Variants in PLXDC1 observed in about 807,000 individuals in gnomAD.
PLXDC1 encodes plexin domain-containing protein 1.
PLXDC1 carries 39 observed loss-of-function variants against 61.3 expected under a neutral mutation model. The ratio of observed to expected loss-of-function variants is 0.64; its 90% confidence interval spans 0.49 to 0.83. The LOEUF is 0.83. Among genes scored for constraint, PLXDC1 ranks in the 40% least tolerant of loss-of-function variants. PLXDC1 has a pLI of 0.00. For missense variants in PLXDC1, 596 were observed against 666.5 expected, an observed-to-expected ratio of 0.89 and a Z score of 1.17; for synonymous variants, 212 against 254.5, an observed-to-expected ratio of 0.83 and a Z score of 1.59.
At chr17:39,094,945 T>C (rs1194421661) in intron 7 of PLXDC1, among the ~76,000 whole-genome samples, 2 of 151,850 alleles carry the variant, frequency 1.3e-5, no homozygotes, top group African/African-American at 2.4e-5. Flanking sequence ...CTTTCCCTCA[T>C]CAGAAGGAAG....
intron 7 of PLXDC1, among the ~76,000 whole-genome samples, chr17:39,098,523 G>A (rs1354507346): frequency 6.6e-6 from 1 of 152,222 alleles, no homozygotes; most frequent in Non-Finnish European, 1.5e-5. Context: ...GGGGGCCATA[G>A]AGAGCCCCCA....
rs758574403 is a variant in PLXDC1 at position 39,063,443 on chromosome 17, G to A, written c.*4397C>T. The A allele has an allele frequency of 2.8e-6, 2 of 702,774 alleles. No homozygotes were observed. Among genetic ancestry groups the A allele is most frequent in the African/African-American group, 3.5e-5 (2 of 57,252 alleles). The allele number at this position is 702,774 out of a possible 1,614,324, so 43.5% of individuals were successfully genotyped here. On this transcript the variant is annotated 3_prime_UTR_variant, in exon 14 of 14. Coordinates refer to ENST00000315392, the MANE Select transcript of PLXDC1 (RefSeq NM_020405.5). ...TTAGGCTGTTTCTCTTGGAGGTGGT[G>A]CAGGAGGTTGAGGAAAGCACCTCTG...
At chr17:39,087,796 A>C (rs1343754973) in intron 7 of PLXDC1, 94 bp from the exon 8 acceptor site, 6 of 845,722 alleles carry the variant, frequency 7.1e-6, no homozygotes, top group African/African-American at 3.3e-5. Context: ...AGCCTGCTGC[A>C]CTGAAGGCAG....
chr17:39,109,803 G>A (rs1030184852), intron 2 of PLXDC1, among the ~76,000 whole-genome samples: 2 of 152,188 alleles, frequency 1.3e-5, no homozygotes, highest in African/African-American at 4.8e-5. Flanking sequence ...CCAGGCCGAG[G>A]GAGAGTCATA....
intron 7 of PLXDC1, among the ~76,000 whole-genome samples, chr17:39,103,397 G>T (rs1169458704): frequency 6.6e-6 from 1 of 152,050 alleles, no homozygotes; most frequent in Non-Finnish European, 1.5e-5. Context: ...TTAAAAATTA[G>T]TTGGGCATGG....
intron 3 of PLXDC1, 74 bp downstream of exon 3, chr17:39,109,174 C>T: frequency 1.3e-6 from 2 of 1,533,984 alleles, no homozygotes; most frequent in Admixed American, 4.0e-5. Context: ...CAGCCATGCC[C>T]ACTGACCAGG....
At chr17:39,118,819 C>T (rs569582740) in intron 2 of PLXDC1, among the ~76,000 whole-genome samples, 23 of 152,190 alleles carry the variant, frequency 1.5e-4, no homozygotes, top group African/African-American at 4.8e-4. Context: ...AGATCACCAC[C>T]CGGGAGGGTG....
intron 1 of PLXDC1, chr17:39,144,586 C>G (rs1912036166): frequency 6.6e-6 from 1 of 152,270 alleles, no homozygotes; most frequent in African/African-American, 2.4e-5. Context: ...TGCAGGGGCC[C>G]ACGTGCCTGT....
chr17:39,123,648 G>A (rs1185502484), intron 2 of PLXDC1, among the ~76,000 whole-genome samples: 5 of 152,190 alleles, frequency 3.3e-5, no homozygotes, highest in Admixed American at 3.3e-4. Context: ...TGATTGTGGA[G>A]GCTGCCTCCT....
At chr17:39,107,603 G>A (rs763461750) in intron 5 of PLXDC1, 78 bp from the exon 6 acceptor site, 1 of 1,069,892 alleles carries the variant, frequency 9.3e-7, no homozygotes, top group Non-Finnish European at 1.5e-6. Context: ...CAGTCGGAGG[G>A]CAGCGGCCAC....
chr17:39,123,148 C>G (rs966943462), intron 2 of PLXDC1, among the ~76,000 whole-genome samples: 6 of 152,226 alleles, frequency 3.9e-5, no homozygotes, highest in African/African-American at 1.4e-4. Context: ...CAGCATTCCT[C>G]TCTTCTCTGA....
At chr17:39,078,081 G>T in intron 10 of PLXDC1, 33 bp from the exon 11 acceptor site, 1 of 1,544,992 alleles carries the variant, frequency 6.5e-7, no homozygotes, top group Non-Finnish European at 8.7e-7. Context: ...TGTCTTGAAT[G>T]CATTTACACC....
Position 39,067,778 on chromosome 17 carries a change from CTTCTT to C in PLXDC1, c.*57_*61del. 6.5e-7 allele frequency: 1 copy of C among 1,530,148 alleles called. No individual in the cohort carries two copies. The highest frequency in any genetic ancestry group is 2.3e-5 in the East Asian group (1 of 43,752). The allele number at this position is 1,530,148 out of a possible 1,614,324, so 94.8% of individuals were successfully genotyped here. A position where few individuals can be genotyped will look rare whatever the true frequency, so the allele number is the denominator to read the frequency against. The stretch of plus-strand genomic sequence containing the variant: ...GGAGAGGCCAGGAAAAGTCACTTCT[CTTCTT>C]TGCTTTAACTGTCTTTTCTGTGGCC... On this transcript the variant is annotated 3_prime_UTR_variant, in exon 14 of 14. Coordinates refer to ENST00000315392, the MANE Select transcript of PLXDC1 (RefSeq NM_020405.5).
Position 39,071,085 on chromosome 17 carries a change from AG to A in PLXDC1, c.1223-1070del, listed in dbSNP as rs555775161. Among the ~76,000 whole-genome samples, 156 of 152,344 alleles carry A rather than the reference AG, an allele frequency of 1.0e-3. 1 individual carries two copies. The highest frequency in any genetic ancestry group is 3.2e-3 in the African/African-American group (135 of 41,584). ...CTAATAAGCCAACAGTCACCCTCTG[AG>A]AACATCCTAGGCACTTGAAATACGT... On this transcript the variant is annotated intron_variant, in intron 12 of 13. Coordinates refer to ENST00000315392, the MANE Select transcript of PLXDC1 (RefSeq NM_020405.5).
At chr17:39,078,996 A>C in intron 10 of PLXDC1, 108 bp downstream of exon 10, 25 of 857,504 alleles carry the variant, frequency 2.9e-5, no homozygotes, top group Non-Finnish European at 3.3e-5. Context: ...GATATTGCCA[A>C]GAGCTAATGC....
intron 2 of PLXDC1, among the ~76,000 whole-genome samples, chr17:39,138,766 G>C (rs1911835261): frequency 2.0e-5 from 3 of 151,288 alleles, no homozygotes; most frequent in African/African-American, 7.3e-5. Flanking sequence ...TAAGAAAATA[G>C]TTATTAAAAT....
intron 2 of PLXDC1, among the ~76,000 whole-genome samples, chr17:39,116,318 T>C (rs739823): frequency 0.9 from 136,417 of 151,966 alleles, 61,483 homozygotes; most frequent in South Asian, 0.94. Context: ...AGCTCAGGGA[T>C]GGTGGCACAT....
intron 7 of PLXDC1, among the ~76,000 whole-genome samples, chr17:39,094,150 G>T (rs1367618806): frequency 6.6e-6 from 1 of 152,116 alleles, no homozygotes; most frequent in East Asian, 1.9e-4. Context: ...GCCCCTGAGT[G>T]ATGCCAATGG....
At position 39,106,641 on chromosome 17, in the gene PLXDC1, T is replaced by C. The variant is rs894045111; in HGVS notation, c.712-688A>G. Reference sequence around the variant, plus strand: ...TCATGCTGCCTTCTTTTTTCTTTTTTCTTTTTCTTTCTTTTTTTTTTTTTT... The same window carrying C: ...TCATGCTGCCTTCTTTTTTCTTTTTCCTTTTTCTTTCTTTTTTTTTTTTTT... On this transcript the variant is annotated intron_variant, in intron 6 of 13. Transcript: ENST00000315392. 2.1e-5 allele frequency among the ~76,000 whole-genome samples: 3 copies of C among 140,324 alleles called. No individual in the cohort carries two copies. The Admixed American group carries it at 2.2e-4, about 10-fold the overall frequency. The allele number at this position is 140,324 out of a possible 152,430, so 92.1% of individuals were successfully genotyped here. A position where few individuals can be genotyped will look rare whatever the true frequency, so the allele number is the denominator to read the frequency against.
Sources: gnomAD v4.1 joint callset for allele counts (sites outside exome capture counted in the v4.1 genomes callset) on GRCh38, gnomAD v4.1.1 for gene constraint, MANE v1.5 for transcripts, NCBI Gene and HGNC (gene_info 2026-07-23, HGNC 2026-07-21) for gene names.